The following ASTN2 variants were observed in gnomAD, a reference collection of about 807,000 sequenced individuals.
The protein encoded by ASTN2 is astrotactin-2.
ASTN2 carries 54 observed loss-of-function variants against 139.8 expected under a neutral mutation model. That is an observed-to-expected ratio of 0.39 (90% CI 0.31 to 0.48). The LOEUF is 0.48. Among genes scored for constraint, ASTN2 ranks in the 20% least tolerant of loss-of-function variants. The probability of loss-of-function intolerance (pLI) is 0.95; values close to 1 mark genes in which losing one functional copy is unlikely to be tolerated. For missense variants in ASTN2, 1,565 were observed against 1,725.1 expected (o/e 0.91, Z 1.64); for synonymous variants, 756 against 719.5 (o/e 1.05, Z -0.81).
chr9:116,614,008 GAT>G (rs1855697984), intron 19 of ASTN2, among the ~76,000 whole-genome samples: 2 of 152,290 alleles, frequency 1.3e-5, no homozygotes, highest in Admixed American at 6.5e-5. Context: ...TTCTCAAGCT[GAT>G]AAGCAACTTC....
At chr9:116,852,053 C>T (rs1360684852) in intron 11 of ASTN2, among the ~76,000 whole-genome samples, 2 of 152,152 alleles carry the variant, frequency 1.3e-5, no homozygotes, top group Non-Finnish European at 2.9e-5. Flanking sequence ...TTCATCACCT[C>T]GGACTGTATT....
chr9:116,857,862 T>C (rs1052579775), intron 11 of ASTN2, among the ~76,000 whole-genome samples: 1 of 152,164 alleles, frequency 6.6e-6, no homozygotes, highest in Non-Finnish European at 1.5e-5. Context: ...GCTTGACCAA[T>C]AGAATGTGGT....
At chr9:116,466,003 A>G (rs1409219892) in intron 20 of ASTN2, among the ~76,000 whole-genome samples, 3 of 152,244 alleles carry the variant, frequency 2.0e-5, no homozygotes, top group African/African-American at 7.2e-5. Flanking sequence ...AAAACAAATG[A>G]ACACATCCCT....
rs371054320 is a variant in ASTN2, at chr9:117,141,371, G to T, written c.1123C>A (p.Arg375Ser). 1.5e-6 allele frequency: 2 copies of T among 1,367,520 alleles called. No homozygotes were observed. The highest frequency in any genetic ancestry group is 2.3e-5 in the South Asian group (2 of 88,032). 84.7% of individuals were successfully genotyped at this position (1,367,520 alleles called of 1,614,324 possible). ...IEIGQLQPPL[R>S]STSAGKRKRR... ...TTCCTCTTCCCTGCCGATGTGCTGC[G>T]CAGGGGTGGTTGCAGCTGACCGATC... Residue 375 changes from arginine to serine, a missense_variant, in exon 4 of 23, where the codon CGC (arginine) becomes AGC (serine). Physicochemically the swap from Arg to Ser is moderately radical, Grantham distance 110. Coordinates refer to ENST00000313400, the MANE Select transcript of ASTN2 (RefSeq NM_001365068.1).
At chr9:116,544,534 G>C (rs1184383540) in intron 19 of ASTN2, among the ~76,000 whole-genome samples, 2 of 152,132 alleles carry the variant, frequency 1.3e-5, no homozygotes, top group African/African-American at 2.4e-5. Context: ...GGATGATTTG[G>C]GTTCTTCTAT....
At chr9:116,536,339 G>A (rs1214789196) in intron 19 of ASTN2, among the ~76,000 whole-genome samples, 1 of 152,004 alleles carries the variant, frequency 6.6e-6, no homozygotes, top group Non-Finnish European at 1.5e-5. Flanking sequence ...GTCTTCTGAA[G>A]CCTTCTTCTC....
At chr9:116,564,064 T>C (rs73524169) in intron 19 of ASTN2, among the ~76,000 whole-genome samples, 3,195 of 152,300 alleles carry the variant, frequency 0.021, 106 homozygotes, top group African/African-American at 0.073. Flanking sequence ...ATTTTGTCTA[T>C]TTTACAGTTG....
chr9:116,925,861 AACACACAC>A (rs573361389), intron 10 of ASTN2, among the ~76,000 whole-genome samples: 1 of 54,100 alleles, frequency 1.8e-5, no homozygotes, highest in African/African-American at 4.8e-5. Flanking sequence ...TACACAACAC[AACACACAC>A]ACACACACAC....
At chr9:116,674,211 A>G (rs1221832239) in intron 16 of ASTN2, among the ~76,000 whole-genome samples, 1 of 152,192 alleles carries the variant, frequency 6.6e-6, no homozygotes, top group East Asian at 1.9e-4. Flanking sequence ...CAGACCCTGC[A>G]CTTGATGGAT....
intron 19 of ASTN2, among the ~76,000 whole-genome samples, chr9:116,527,831 C>T (rs1054293787): frequency 6.6e-6 from 1 of 152,072 alleles, no homozygotes; most frequent in Non-Finnish European, 1.5e-5. Flanking sequence ...TTCCCACCCC[C>T]CTCACTCTCC....
At chr9:116,965,709 T>C (rs552384284) in intron 10 of ASTN2, among the ~76,000 whole-genome samples, 64 of 152,200 alleles carry the variant, frequency 4.2e-4, no homozygotes, top group Non-Finnish European at 8.4e-4. Context: ...CTAACTTGAA[T>C]TGGGCCTCTG....
chr9:116,871,898 G>A (rs1214762007), intron 10 of ASTN2, among the ~76,000 whole-genome samples: 1 of 152,130 alleles, frequency 6.6e-6, no homozygotes, highest in East Asian at 1.9e-4. Flanking sequence ...GTAGATAAGA[G>A]GGCAAGTTTG....
intron 6 of ASTN2, among the ~76,000 whole-genome samples, chr9:117,021,399 A>T (rs1023686593): frequency 1.3e-5 from 2 of 152,144 alleles, no homozygotes; most frequent in African/African-American, 4.8e-5. Context: ...CTAAATAGCC[A>T]AACCATGGTT....
intron 13 of ASTN2, among the ~76,000 whole-genome samples, chr9:116,798,133 T>C (rs1378832128): frequency 6.6e-6 from 1 of 152,118 alleles, no homozygotes; most frequent in Non-Finnish European, 1.5e-5. Context: ...TAGCTGGGCA[T>C]GGTGGCGCAC....
chr9:116,699,540 C>A lies in ASTN2; in HGVS notation c.2806+26231G>T, dbSNP rs1861068286. 6.2e-7 allele frequency: 1 copy of A among 1,614,068 alleles called. No homozygotes were observed. Among genetic ancestry groups the A allele is most frequent in the African/African-American group, 1.3e-5 (1 of 74,924 alleles). ...GGCTGACAGTAGTCGCAAGGAAATT[C>A]TCCATTTTCCTAAGGGTGGGGGCTA... On this transcript the variant is annotated intron_variant, in intron 16 of 22. Transcript: ENST00000313400. This position sits in a 1 kb window ranked among gnomAD's most constrained non-coding sequence, Gnocchi z 4.2.
chr9:117,202,431 T>G (rs1400077943), intron 3 of ASTN2, among the ~76,000 whole-genome samples: 1 of 152,168 alleles, frequency 6.6e-6, no homozygotes, highest in Non-Finnish European at 1.5e-5. Flanking sequence ...TTTCTTCATA[T>G]TGTCATCGGT....
chr9:116,810,806 A>G (rs1450427168), intron 12 of ASTN2, among the ~76,000 whole-genome samples: 2 of 152,184 alleles, frequency 1.3e-5, no homozygotes, highest in East Asian at 3.9e-4. Context: ...AGTCTTGCCT[A>G]TAAAATCCCC....
At position 117,401,475 on chromosome 9, in the gene ASTN2, G is replaced by T. The variant is rs1275139353; in HGVS notation, c.442+13022C>A. ...AAAAAGGCAAATTATTTAGGATTTT[G>T]CAGACACTGAAAAAGAATGAGGATT... On this transcript the variant is annotated intron_variant, in intron 1 of 22. Transcript: ENST00000313400. 2.6e-5 allele frequency among the ~76,000 whole-genome samples: 4 copies of T among 152,262 alleles called. No individual in the cohort carries two copies. The East Asian group carries it at 5.8e-4, about 22-fold the overall frequency.
intron 10 of ASTN2, among the ~76,000 whole-genome samples, chr9:116,948,596 G>T (rs565280805): frequency 6.6e-6 from 1 of 151,982 alleles, no homozygotes; most frequent in South Asian, 2.1e-4. Context: ...CCAAGATCTG[G>T]ATACTACATA....
Sources: gnomAD v4.1 joint callset for allele counts (sites outside exome capture counted in the v4.1 genomes callset) on GRCh38, gnomAD v4.1.1 for gene constraint, Gnocchi (gnomAD v3.1) non-coding constraint, MANE v1.5 for transcripts, NCBI Gene and HGNC (gene_info 2026-07-23, HGNC 2026-07-21) for gene names.